PVT1: variants seen among roughly 807,000 people sequenced by gnomAD.
PVT1 encodes Pvt1 oncogene, also known as CXCR4/PVT1 fusion.
chr8:127,986,855 T>C (rs945422758), intron 3 of PVT1, among the ~76,000 whole-genome samples: 1 of 152,212 alleles, frequency 6.6e-6, no homozygotes, highest in Non-Finnish European at 1.5e-5. Context: ...ATTAAAAACA[T>C]TAATCAGTTT....
intron 2 of PVT1, among the ~76,000 whole-genome samples, chr8:127,888,005 A>T (rs1815548096): frequency 8.6e-6 from 1 of 116,516 alleles, no homozygotes; most frequent in Non-Finnish European, 1.6e-5. Context: ...CAGTGGCATG[A>T]TCTTGGCTCA....
intron 4 of PVT1, among the ~76,000 whole-genome samples, chr8:128,001,811 T>C (rs1033464623): frequency 6.6e-5 from 10 of 152,160 alleles, no homozygotes; most frequent in Non-Finnish European, 1.5e-4. Context: ...TTCAGTGTCT[T>C]CTTACCGCGT....
intron 2 of PVT1, among the ~76,000 whole-genome samples, chr8:127,872,030 T>G (rs1815356904): frequency 6.6e-6 from 1 of 152,132 alleles, no homozygotes; most frequent in Non-Finnish European, 1.5e-5. Flanking sequence ...AGGCGGAGGT[T>G]GCAGTGAGCT....
chr8:127,875,363 G>GTCTCTCTCTCTC (rs139309505), intron 2 of PVT1, among the ~76,000 whole-genome samples: 1 of 149,616 alleles, frequency 6.7e-6, no homozygotes, highest in Non-Finnish European at 1.5e-5. Flanking sequence ...CTCTGTCTCT[G>GTCTCTCTCTCTC]TCTCTCTCTC....
chr8:127,990,506 T>A (rs1047891787), intron 4 of PVT1, among the ~76,000 whole-genome samples: 2 of 151,940 alleles, frequency 1.3e-5, no homozygotes, highest in Non-Finnish European at 2.9e-5. Context: ...TTAAGTAAGA[T>A]GTTGGAAAGA....
intron 2 of PVT1, among the ~76,000 whole-genome samples, chr8:127,808,499 C>T (rs1195855174): frequency 6.6e-6 from 1 of 152,158 alleles, no homozygotes; most frequent in Non-Finnish European, 1.5e-5. Context: ...GTCCAGGGTC[C>T]AGATGAACAG....
At chr8:127,914,294 A>T (rs1466948179) in intron 3 of PVT1, among the ~76,000 whole-genome samples, 1 of 140,350 alleles carries the variant, frequency 7.1e-6, no homozygotes, top group Non-Finnish European at 1.5e-5. Context: ...AAAAAAAAAA[A>T]AAAAAAGGCA....
chr8:127,973,084 G>A (rs941952032), intron 3 of PVT1, among the ~76,000 whole-genome samples: 5 of 152,086 alleles, frequency 3.3e-5, no homozygotes, highest in South Asian at 4.1e-4. Flanking sequence ...TATATTTTTT[G>A]TAGAGATGGA....
intron 4 of PVT1, among the ~76,000 whole-genome samples, chr8:128,041,347 G>A (rs940915977): frequency 1.3e-5 from 2 of 149,608 alleles, no homozygotes; most frequent in Non-Finnish European, 3.0e-5. Flanking sequence ...ATGCTTGTAT[G>A]TGTTGTGCTC....
chr8:128,068,824 G>T (rs538854989), intron 4 of PVT1, among the ~76,000 whole-genome samples: 1 of 152,338 alleles, frequency 6.6e-6, no homozygotes, highest in East Asian at 1.9e-4. Context: ...ATGTGTCAGA[G>T]CCTGGCATAT....
chr8:128,028,610 A>T (rs1376271550), intron 4 of PVT1, among the ~76,000 whole-genome samples: 1 of 152,154 alleles, frequency 6.6e-6, no homozygotes, highest in African/African-American at 2.4e-5. Context: ...TATCTGCTTC[A>T]TGCCTCAGTT....
At chr8:127,959,808 C>A (rs1816617500) in intron 3 of PVT1, among the ~76,000 whole-genome samples, 1 of 152,138 alleles carries the variant, frequency 6.6e-6, no homozygotes, top group South Asian at 2.1e-4. Context: ...CCTAGGTGAG[C>A]AGCCCGTCAG....
chr8:128,034,396 C>G (rs1453873092), intron 4 of PVT1, among the ~76,000 whole-genome samples: 1 of 152,238 alleles, frequency 6.6e-6, no homozygotes, highest in Non-Finnish European at 1.5e-5. Flanking sequence ...GTTCTCACCA[C>G]CTGGGTGGAG....
At chr8:127,899,934 A>C (rs1349043848) in intron 3 of PVT1, among the ~76,000 whole-genome samples, 1 of 152,234 alleles carries the variant, frequency 6.6e-6, no homozygotes, top group Non-Finnish European at 1.5e-5. Flanking sequence ...TACAAAGGGC[A>C]ACGTAACAAA....
chr8:127,868,265 C>A (rs932379648), intron 2 of PVT1, among the ~76,000 whole-genome samples: 1 of 152,108 alleles, frequency 6.6e-6, no homozygotes, highest in Non-Finnish European at 1.5e-5. Context: ...TCCCTACTCA[C>A]TGAAAAGAAG....
chr8:127,999,708 C>T (rs185477056), intron 4 of PVT1, among the ~76,000 whole-genome samples: 145 of 152,346 alleles, frequency 9.5e-4, no homozygotes, highest in African/African-American at 3.4e-3. Flanking sequence ...GTGATCCACC[C>T]ACTTCAGCCT....
intron 4 of PVT1, among the ~76,000 whole-genome samples, chr8:127,992,946 G>T (rs1044121141): frequency 6.6e-6 from 1 of 152,214 alleles, no homozygotes; most frequent in Non-Finnish European, 1.5e-5. Context: ...CAAGGTATGT[G>T]TGTAAAGATT....
At chr8:127,912,755 G>A (rs1815921840) in intron 3 of PVT1, among the ~76,000 whole-genome samples, 1 of 151,256 alleles carries the variant, frequency 6.6e-6, no homozygotes, top group South Asian at 2.1e-4. Context: ...GGAGTGCCAT[G>A]GCACGATCTT....
At chr8:128,017,123 A>C (rs1208820524) in intron 4 of PVT1, among the ~76,000 whole-genome samples, 1 of 152,234 alleles carries the variant, frequency 6.6e-6, no homozygotes, top group Non-Finnish European at 1.5e-5. Flanking sequence ...GGAAATGCAT[A>C]GACTCAGAGA....
Sources: gnomAD v4.1 joint callset for allele counts (sites outside exome capture counted in the v4.1 genomes callset) on GRCh38, gnomAD v4.1.1 for gene constraint, MANE v1.5 for transcripts, NCBI Gene and HGNC (gene_info 2026-07-23, HGNC 2026-07-21) for gene names.